The following TMC2 variants were observed in gnomAD, a reference collection of about 807,000 sequenced individuals.
The protein encoded by TMC2 is transmembrane channel like 2, also known as transmembrane channel-like protein 2.
Under a neutral mutation model 105.9 loss-of-function variants are expected in TMC2, and 102 were observed. The ratio of observed to expected loss-of-function variants is 0.96; its 90% CI spans 0.82 to 1.14. The LOEUF is 1.14. Among genes scored for constraint, TMC2 ranks in the 50% most tolerant of loss-of-function variants. The probability of loss-of-function intolerance (pLI) is 0.00; values close to 1 mark genes in which losing one functional copy is unlikely to be tolerated. For missense variants in TMC2, 1,093 were observed against 1,134.3 expected (o/e 0.96, Z 0.52); for synonymous variants, 402 against 422.8 (o/e 0.95, Z 0.60).
intron 2 of TMC2, among the ~76,000 whole-genome samples, chr20:2,541,149 C>G (rs978544083): frequency 4.6e-5 from 7 of 152,136 alleles, no homozygotes; most frequent in African/African-American, 1.7e-4. Flanking sequence ...AGAGTAGCCC[C>G]TAAGTATGTA....
intron 4 of TMC2, among the ~76,000 whole-genome samples, chr20:2,562,825 A>G (rs2086036545): frequency 6.6e-6 from 1 of 152,072 alleles, no homozygotes; most frequent in African/African-American, 2.4e-5. Flanking sequence ...GGGCACCTGT[A>G]GTCCCAGTTA....
At chr20:2,542,483 C>T (rs139457995) in intron 2 of TMC2, among the ~76,000 whole-genome samples, 136 of 152,242 alleles carry the variant, frequency 8.9e-4, no homozygotes, top group Non-Finnish European at 1.4e-3. Context: ...AAATATATGT[C>T]CTGCTTTTAG....
rs956504143 is a variant in TMC2 at position 2,574,872 on chromosome 20, T to C, written c.645+2603T>C. 4.6e-5 allele frequency among the ~76,000 whole-genome samples: 7 copies of C among 152,212 alleles called. No homozygotes were observed. In the East Asian group the frequency reaches 1.2e-3, roughly 25 times the overall value. On this transcript the variant is annotated intron_variant, in intron 5 of 19. Coordinates refer to ENST00000358864, the MANE Select transcript of TMC2 (RefSeq NM_080751.3). ...TCCCAAGTAGCTGGGATTATGGGCA[T>C]GCGCCACCATACCCGGCTAATTTTT... is the stretch of plus-strand genomic sequence containing the variant.
intron 14 of TMC2, among the ~76,000 whole-genome samples, chr20:2,614,691 C>A (rs965094927): frequency 6.6e-6 from 1 of 151,832 alleles, no homozygotes; most frequent in Non-Finnish European, 1.5e-5. Flanking sequence ...AGAAAATAGA[C>A]CAACATGTCA....
At position 2,628,568 on chromosome 20, in the gene TMC2, G is replaced by A. The variant is rs114709467; in HGVS notation, c.2306+4172G>A. Among the ~76,000 whole-genome samples the A allele has an allele frequency of 7.6e-3, 1,151 of 151,228 alleles. 19 individuals are homozygous for A. Among genetic ancestry groups the A allele is most frequent in the African/African-American group, 0.027 (1,105 of 41,410 alleles). Reference sequence around the variant, plus strand: ...TTGGTTCATGGAGGCAGTTCCCCCCGTGCCGTTCTTGTGATAGTGAGTGAG... The same window carrying A: ...TTGGTTCATGGAGGCAGTTCCCCCCATGCCGTTCTTGTGATAGTGAGTGAG... On this transcript the variant is annotated intron_variant, in intron 17 of 19. Coordinates refer to ENST00000358864, the MANE Select transcript of TMC2 (RefSeq NM_080751.3).
At chr20:2,590,830 A>G (rs2086263470) in intron 7 of TMC2, among the ~76,000 whole-genome samples, 2 of 152,132 alleles carry the variant, frequency 1.3e-5, no homozygotes, top group Non-Finnish European at 2.9e-5. Flanking sequence ...CATTTTAAAG[A>G]CAAATGGCAG....
chr20:2,536,789 G>A (rs1378322493), intron 1 of TMC2, 134 bp downstream of exon 1: 8 of 893,744 alleles, frequency 9.0e-6, no homozygotes, highest in South Asian at 1.4e-5. Context: ...TCCCCTGTGC[G>A]CTGAGCGACC....
chr20:2,583,885 A>G (rs949373475), intron 7 of TMC2, among the ~76,000 whole-genome samples: 1 of 152,120 alleles, frequency 6.6e-6, no homozygotes, highest in South Asian at 2.1e-4. Context: ...GCCATACCCA[A>G]AATGCTAGTC....
chr20:2,573,423 T>G (rs2086117043), intron 5 of TMC2, among the ~76,000 whole-genome samples: 1 of 152,194 alleles, frequency 6.6e-6, no homozygotes, highest in African/African-American at 2.4e-5. Flanking sequence ...TAGTTGCTTT[T>G]GCAAATGCGA....
At chr20:2,633,927 T>C (rs1004644593) in intron 17 of TMC2, among the ~76,000 whole-genome samples, 4 of 152,262 alleles carry the variant, frequency 2.6e-5, no homozygotes, top group Admixed American at 6.5e-5. Flanking sequence ...GCATTCTCAC[T>C]GCTTTTAAGG....
chr20:2,594,580 T>G (rs1268190824), intron 8 of TMC2, among the ~76,000 whole-genome samples: 1 of 151,992 alleles, frequency 6.6e-6, no homozygotes, highest in Non-Finnish European at 1.5e-5. Context: ...CTCCCTCCCA[T>G]GTCTCCATGC....
At chr20:2,543,107 T>G (rs377433001) in intron 2 of TMC2, among the ~76,000 whole-genome samples, 33 of 151,770 alleles carry the variant, frequency 2.2e-4, no homozygotes, top group Middle Eastern at 3.4e-3. Context: ...CAAGGTGGCA[T>G]ACACCTGTAA....
At chr20:2,573,927 T>G (rs1388501698) in intron 5 of TMC2, among the ~76,000 whole-genome samples, 1 of 152,218 alleles carries the variant, frequency 6.6e-6, no homozygotes. Context: ...TGGGTTCTCC[T>G]AAATGTGACA....
intron 11 of TMC2, among the ~76,000 whole-genome samples, chr20:2,602,792 A>G (rs577651052): frequency 6.6e-6 from 1 of 152,400 alleles, no homozygotes; most frequent in South Asian, 2.1e-4. Context: ...CACAGAATCC[A>G]TAAACCTCTT....
At chr20:2,619,805 C>T (rs769403073) in intron 16 of TMC2, among the ~76,000 whole-genome samples, 2 of 152,174 alleles carry the variant, frequency 1.3e-5, no homozygotes, top group Admixed American at 6.5e-5. Flanking sequence ...GGTGCAAATG[C>T]CAGCCCCCTT....
At chr20:2,615,316 G>A (rs1027662240) in intron 14 of TMC2, among the ~76,000 whole-genome samples, 6 of 152,316 alleles carry the variant, frequency 3.9e-5, no homozygotes, top group South Asian at 2.1e-4. Context: ...GCGAGACTCC[G>A]TCTCAATAAA....
rs112968950 is a variant in TMC2, at chr20:2,567,244, T to C, written c.555-4935T>C. 2.9e-3 allele frequency among the ~76,000 whole-genome samples: 434 copies of C among 152,274 alleles called. 3 individuals carry two copies. Among genetic ancestry groups the C allele is most frequent in the African/African-American group, 8.6e-3 (356 of 41,550 alleles). On this transcript the variant is annotated intron_variant, in intron 4 of 19. Transcript: ENST00000358864. ...CCTGAACCCCATCCCTGCTCAGCGG[T>C]AACAAGGAGCTTCTCCTCAGCCTCA...
At chr20:2,602,973 C>G (rs930331715) in intron 11 of TMC2, among the ~76,000 whole-genome samples, 1 of 152,214 alleles carries the variant, frequency 6.6e-6, no homozygotes, top group South Asian at 2.1e-4. Flanking sequence ...GCCAATGGAA[C>G]AATAGCAACC....
chr20:2,568,283 A>G (rs1168034039), intron 4 of TMC2, among the ~76,000 whole-genome samples: 2 of 152,142 alleles, frequency 1.3e-5, no homozygotes, highest in Admixed American at 6.6e-5. Context: ...ATGACAAGAA[A>G]CTTCTCATCA....
Sources: gnomAD v4.1 joint callset for allele counts (sites outside exome capture counted in the v4.1 genomes callset) on GRCh38, gnomAD v4.1.1 for gene constraint, MANE v1.5 for transcripts, NCBI Gene and HGNC (gene_info 2026-07-23, HGNC 2026-07-21) for gene names.